ZC3H7B: variants seen among roughly 807,000 people sequenced by gnomAD.
The protein encoded by ZC3H7B is zinc finger CCCH-type containing 7B.
A neutral mutation model predicts 116.0 loss-of-function variants in ZC3H7B; 35 were observed. The observed-to-expected ratio is 0.30, with a 90% confidence interval of 0.23 to 0.40. The LOEUF (loss-of-function observed/expected upper bound fraction) is 0.40. Among genes scored for constraint, ZC3H7B ranks in the 10% least tolerant of loss-of-function variants. The pLI is 1.00. For missense variants in ZC3H7B, 1,011 were observed against 1,321.5 expected (o/e 0.77, Z 3.64); for synonymous variants, 502 against 545.6 (o/e 0.92, Z 1.11).
intron 14 of ZC3H7B, among the ~76,000 whole-genome samples, chr22:41,347,672 A>T (rs1159059995): frequency 6.6e-6 from 1 of 151,228 alleles, no homozygotes; most frequent in African/African-American, 2.4e-5. Flanking sequence ...CCCTTCCCCT[A>T]GCTCTTCCAG....
rs2036743350 is a variant in ZC3H7B, at chr22:41,357,920, A to C, written c.*491A>C. The C allele has an allele frequency of 5.7e-6, 1 of 176,800 alleles. No individual in the cohort carries two copies. Among genetic ancestry groups the C allele is most frequent in the South Asian group, 1.3e-4 (1 of 7,834 alleles). 11.0% of individuals were successfully genotyped at this position (176,800 alleles called of 1,614,324 possible). On this transcript the variant is annotated 3_prime_UTR_variant, in exon 23 of 23. Transcript: ENST00000352645. This position sits in a 1 kb window ranked among gnomAD's most constrained non-coding sequence, Gnocchi z 5.4. ...GCTTTAAAATGTAGCCCCAGGTTGG[A>C]GCTGGGAACACTGTACTGGCCACTT...
intron 17 of ZC3H7B, among the ~76,000 whole-genome samples, chr22:41,354,679 T>C (rs537670741): frequency 6.6e-6 from 1 of 152,266 alleles, no homozygotes; most frequent in East Asian, 1.9e-4. Context: ...TGTAGCCAGC[T>C]GAGGGGGTTC....
At position 41,359,322 on chromosome 22, in the gene ZC3H7B, TTA is replaced by T. The variant is rs765074522; in HGVS notation, c.*1899_*1900del. 3 of 152,452 alleles carry T rather than the reference TTA, an allele frequency of 2.0e-5. No homozygotes were observed. The highest frequency in any genetic ancestry group is 4.4e-5 in the Non-Finnish European group (3 of 68,028). 9.4% of individuals were successfully genotyped at this position (152,452 alleles called of 1,614,324 possible). A position where few individuals can be genotyped will look rare whatever the true frequency, so the allele number is the denominator to read the frequency against. The stretch of plus-strand genomic sequence containing the variant: ...ATTAAATATATCGCTCTATATAATA[TTA>T]TATATGTGTGTGGTATCCAAGGAAT... On this transcript the variant is annotated 3_prime_UTR_variant, in exon 23 of 23. Coordinates refer to ENST00000352645, the MANE Select transcript of ZC3H7B (RefSeq NM_017590.6).
chr22:41,355,871 T>A lies in ZC3H7B; in HGVS notation c.2274+9T>A, dbSNP rs933697390. ...TCCCACAGCAATACGATGTGAGCGC[T>A]GGGATGGGGGGCTGGGGGTCCCCCA... On this transcript the variant is annotated intron_variant, in intron 19 of 22. Transcript: ENST00000352645. The A allele has an allele frequency of 9.9e-6, 16 of 1,613,196 alleles. No individual in the cohort carries two copies. Among genetic ancestry groups the A allele is most frequent in the African/African-American group, 1.3e-5 (1 of 74,898 alleles).
chr22:41,320,137 A>C (rs1421232315), intron 1 of ZC3H7B, among the ~76,000 whole-genome samples: 1 of 151,870 alleles, frequency 6.6e-6, no homozygotes, highest in East Asian at 1.9e-4. Context: ...GTTCGAGACC[A>C]GCCTGGTCAA....
At chr22:41,308,621 C>T (rs1484199021) in intron 1 of ZC3H7B, among the ~76,000 whole-genome samples, 2 of 152,186 alleles carry the variant, frequency 1.3e-5, no homozygotes, top group Non-Finnish European at 1.5e-5. Flanking sequence ...GTCATACGTC[C>T]TCCCTGCAGT....
intron 1 of ZC3H7B, among the ~76,000 whole-genome samples, chr22:41,303,368 A>T (rs2145889904): frequency 6.6e-6 from 1 of 152,290 alleles, no homozygotes; most frequent in South Asian, 2.1e-4. Flanking sequence ...TAGGTTAGAC[A>T]GGAATGGGGG....
At chr22:41,352,908 T>C (rs960103382) in intron 17 of ZC3H7B, among the ~76,000 whole-genome samples, 17 of 148,646 alleles carry the variant, frequency 1.1e-4, no homozygotes, top group African/African-American at 4.0e-4. Flanking sequence ...CGAAACCCCG[T>C]CTCTACTAAA....
At chr22:41,316,922 A>T (rs1181663733) in intron 1 of ZC3H7B, among the ~76,000 whole-genome samples, 2 of 151,976 alleles carry the variant, frequency 1.3e-5, no homozygotes, top group African/African-American at 4.8e-5. Context: ...CGCTCACTAC[A>T]ACCTCTGCCT....
intron 1 of ZC3H7B, among the ~76,000 whole-genome samples, chr22:41,316,131 T>C (rs935154044): frequency 6.6e-6 from 1 of 151,462 alleles, no homozygotes; most frequent in Non-Finnish European, 1.5e-5. Context: ...GTAACTGGGA[T>C]TATAGGAATG....
Position 41,357,494 on chromosome 22 carries a change from T to C in ZC3H7B, c.*65T>C, listed in dbSNP as rs2082991335. Reference sequence around the variant, plus strand: ...GGTGGGGTGGGGCCAGAAGGCCTGATAGAAGGGTCAGGGCAGGCCAGGGGG... The same window carrying C: ...GGTGGGGTGGGGCCAGAAGGCCTGACAGAAGGGTCAGGGCAGGCCAGGGGG... On this transcript the variant is annotated 3_prime_UTR_variant, in exon 23 of 23. Coordinates refer to ENST00000352645, the MANE Select transcript of ZC3H7B (RefSeq NM_017590.6). The surrounding 1 kb of genome is among the most constrained non-coding windows in gnomAD (Gnocchi z 5.4). 1 of 1,441,800 alleles carries C rather than the reference T, an allele frequency of 6.9e-7. No individual in the cohort carries two copies. Among genetic ancestry groups the C allele is most frequent in the Admixed American group, 1.8e-5 (1 of 56,522 alleles). The allele number at this position is 1,441,800 out of a possible 1,614,324, so 89.3% of individuals were successfully genotyped here. A position where few individuals can be genotyped will look rare whatever the true frequency, so the allele number is the denominator to read the frequency against.
At chr22:41,309,135 C>T (rs1291509829) in intron 1 of ZC3H7B, among the ~76,000 whole-genome samples, 1 of 151,558 alleles carries the variant, frequency 6.6e-6, no homozygotes, top group African/African-American at 2.4e-5. Flanking sequence ...CCTCAGCCTC[C>T]CGTGTAGCTG....
intron 7 of ZC3H7B, chr22:41,335,173 G>A (rs571406124): frequency 6.6e-6 from 1 of 152,378 alleles, no homozygotes; most frequent in East Asian, 1.9e-4. Context: ...GGAATAGCCT[G>A]GGCTCTGCAG....
chr22:41,338,857 G>A lies in ZC3H7B; in HGVS notation c.626-144G>A. The A allele has an allele frequency of 1.1e-6, 1 of 942,400 alleles. No homozygotes were observed. Among genetic ancestry groups the A allele is most frequent in the Non-Finnish European group, 1.5e-6 (1 of 646,408 alleles). The allele number at this position is 942,400 out of a possible 1,614,324, so 58.4% of individuals were successfully genotyped here. ...CCACCCCCTGAGCATCTGCCAGTGG[G>A]ATCAGCCGATGGGGAAGGCAGGGCT... On this transcript the variant is annotated intron_variant, in intron 8 of 22. Coordinates refer to ENST00000352645, the MANE Select transcript of ZC3H7B (RefSeq NM_017590.6). The surrounding 1 kb of genome is among the most constrained non-coding windows in gnomAD (Gnocchi z 4.5).
chr22:41,325,464 A>G (rs754111244), intron 2 of ZC3H7B, 100 bp from the exon 3 acceptor site: 59 of 1,493,312 alleles, frequency 4.0e-5, no homozygotes, highest in Non-Finnish European at 5.4e-5. Context: ...CCTAGTCCAC[A>G]AGGTGATGGC....
chr22:41,355,812 G>C lies in ZC3H7B; in HGVS notation c.2224G>C (p.Val742Leu). 6.2e-7 allele frequency: 1 copy of C among 1,613,698 alleles called. No homozygotes were observed. Among genetic ancestry groups the C allele is most frequent in the Non-Finnish European group, 8.5e-7 (1 of 1,180,008 alleles). ...GATGTCCAAGGCCAAGAGGAAATGG[G>C]TGTCAGTGAGGCCACTGCCATCCAT... ...LVMSKAKRKW[V>L]SVRPLPSIRN... The change falls in exon 19 of 23, where the codon GTG (valine) becomes CTG (leucine). Residue 742 changes from valine to leucine, a missense_variant. By Grantham distance (32) the Val-to-Leu change is conservative (BLOSUM62 1). Coordinates refer to ENST00000352645, the MANE Select transcript of ZC3H7B (RefSeq NM_017590.6).
chr22:41,337,869 T>C (rs2036466539), intron 7 of ZC3H7B, among the ~76,000 whole-genome samples: 2 of 127,358 alleles, frequency 1.6e-5, no homozygotes, highest in Admixed American at 7.5e-5. Context: ...GTGTGAGGGC[T>C]TTTTTTTTTT....
intron 1 of ZC3H7B, among the ~76,000 whole-genome samples, chr22:41,311,629 G>T (rs928460222): frequency 1.3e-5 from 2 of 152,038 alleles, no homozygotes; most frequent in African/African-American, 4.8e-5. Context: ...CAGAAGATAA[G>T]AGATATGAGT....
At chr22:41,356,991 G>C (rs934859045) in intron 22 of ZC3H7B, among the ~76,000 whole-genome samples, 183 bp downstream of exon 22, 36 of 152,250 alleles carry the variant, frequency 2.4e-4, no homozygotes, top group African/African-American at 8.7e-4. Flanking sequence ...GACCTATCTA[G>C]ACCTTTAATT....
Sources: allele counts gnomAD v4.1 joint callset (sites outside exome capture counted in the v4.1 genomes callset), GRCh38; gene constraint gnomAD v4.1.1; non-coding constraint Gnocchi (gnomAD v3.1); transcripts MANE v1.5; gene names NCBI Gene and HGNC (gene_info 2026-07-23, HGNC 2026-07-21).